Variants in ANK2 observed in about 807,000 individuals in gnomAD.
ANK2 encodes ankyrin 2.
A neutral mutation model predicts 360.5 loss-of-function variants in ANK2; 83 were observed. The ratio of observed to expected loss-of-function variants is 0.23; its 90% confidence interval spans 0.19 to 0.28. The LOEUF is 0.28. Among genes scored for constraint, ANK2 ranks in the 10% least tolerant of loss-of-function variants. The pLI is 1.00. For synonymous variants in ANK2, 1,740 were observed against 1,759.5 expected (o/e 0.99, Z 0.28); for missense variants, 4,201 against 4,795.7 (o/e 0.88, Z 3.66).
chr4:112,731,879 A>T, the ANK2 span, among the ~76,000 whole-genome samples: 1 of 152,236 alleles, frequency 6.6e-6, no homozygotes, highest in African/African-American at 2.4e-5. Context: ...ATTGCACACT[A>T]CAGCCTTCAA....
chr4:113,176,780 TC>T (rs1345155201), intron 2 of ANK2, among the ~76,000 whole-genome samples: 11 of 152,028 alleles, frequency 7.2e-5, no homozygotes, highest in African/African-American at 2.7e-4. Flanking sequence ...CCCTCGCTCC[TC>T]CCCCCACCCC....
chr4:113,336,686 C>A lies in ANK2; in HGVS notation c.3701C>A (p.Thr1234Asn). ...AGAAGAAAATTCCACAAACCAATTACCATGACCATTCCTGTCCCCAAAGCT... is the reference window on the plus strand; with the variant it reads ...AGAAGAAAATTCCACAAACCAATTAACATGACCATTCCTGTCCCCAAAGCT... Reference protein sequence around the residue: ...PRRRKFHKPITMTIPVPKASS... With the variant: ...PRRRKFHKPINMTIPVPKASS... The change falls in exon 31 of 46, where the codon ACC (threonine) becomes AAC (asparagine). Residue 1234 changes from threonine to asparagine, a missense_variant. Coordinates refer to ENST00000357077, the MANE Select transcript of ANK2 (RefSeq NM_001148.6). 1 of 1,614,118 alleles carries A rather than the reference C, an allele frequency of 6.2e-7. No homozygotes were observed. The highest frequency in any genetic ancestry group is 8.5e-7 in the Non-Finnish European group (1 of 1,180,010).
the ANK2 span, among the ~76,000 whole-genome samples, chr4:112,727,110 C>T: frequency 6.6e-6 from 1 of 151,956 alleles, no homozygotes; most frequent in East Asian, 1.9e-4. Context: ...TGTTGTTTAA[C>T]TCAAATTTTT....
In ANK2 at chr4:113,199,129, C is replaced by T. The variant is rs1419304040; in HGVS notation, c.384+20C>T. On this transcript the variant is annotated intron_variant, in intron 4 of 45. Coordinates refer to ENST00000357077, the MANE Select transcript of ANK2 (RefSeq NM_001148.6). ...TCTCAGGTATTCCATTCAGATTTTC[C>T]CTGATGTACATACATTTAAATTAGA... 11 of 1,558,002 alleles carry T rather than the reference C, an allele frequency of 7.1e-6. No homozygotes were observed. The East Asian group carries it at 2.5e-4, about 35-fold the overall frequency.
intron 4 of ANK2, among the ~76,000 whole-genome samples, chr4:113,226,303 G>T (rs989237319): frequency 6.6e-6 from 1 of 152,078 alleles, no homozygotes; most frequent in African/African-American, 2.4e-5. Flanking sequence ...TCCTCAGCAC[G>T]GCAGACAGGG....
At chr4:112,965,740 A>G (rs1335111294) in intron 2 of ANK2, among the ~76,000 whole-genome samples, 2 of 152,138 alleles carry the variant, frequency 1.3e-5, no homozygotes, top group African/African-American at 2.4e-5. Flanking sequence ...TTTCTTTAAT[A>G]TATGTTCTTG....
Position 113,358,498 on chromosome 4 carries a change from A to G in ANK2, c.9880A>G (p.Asn3294Asp). 1 of 1,614,088 alleles carries G rather than the reference A, an allele frequency of 6.2e-7. No homozygotes were observed. Among genetic ancestry groups the G allele is most frequent in the Non-Finnish European group, 8.5e-7 (1 of 1,179,974 alleles). Residue 3294 changes from asparagine (N) to aspartate (D), a missense_variant, in exon 38 of 46, where the codon AAT becomes GAT. Asn to Asp is a conservative substitution (Grantham distance 23, BLOSUM62 1). Coordinates refer to ENST00000357077, the MANE Select transcript of ANK2 (RefSeq NM_001148.6). ...CGAGATTCCTACTGCACCCATGGAG[A>G]ATGTGCCTTTTACTGAAAGCAAATC... ...VIEIPTAPMENVPFTESKSKI... is the reference protein window; with the variant it reads ...VIEIPTAPMEDVPFTESKSKI...
chr4:112,947,164 C>G (rs1408899642), intron 2 of ANK2, among the ~76,000 whole-genome samples: 1 of 152,092 alleles, frequency 6.6e-6, no homozygotes, highest in Non-Finnish European at 1.5e-5. Context: ...TATTTAACCC[C>G]CATTATTCTT....
chr4:113,281,355 T>C (rs1285613945), intron 17 of ANK2, among the ~76,000 whole-genome samples: 1 of 151,962 alleles, frequency 6.6e-6, no homozygotes, highest in African/African-American at 2.4e-5. Flanking sequence ...CTGGGCAACA[T>C]GGTGAAACCC....
At position 113,320,599 on chromosome 4, in the gene ANK2, G is replaced by A. The variant is rs574628752; in HGVS notation, c.2900+1979G>A. 2.0e-5 allele frequency among the ~76,000 whole-genome samples: 3 copies of A among 152,226 alleles called. No individual in the cohort carries two copies. In the South Asian group the frequency reaches 6.2e-4, roughly 32 times the overall value. ...GAACCCGGGAGGTGGTGGTTACAGC[G>A]AGCCTAGACTGCACCACTGCTCTCC... On this transcript the variant is annotated intron_variant, in intron 26 of 45. Transcript: ENST00000357077.
intron 2 of ANK2, among the ~76,000 whole-genome samples, chr4:113,183,935 G>C (rs1267722466): frequency 1.3e-5 from 2 of 150,982 alleles, no homozygotes; most frequent in Non-Finnish European, 2.9e-5. Context: ...TTAAAAAGAG[G>C]AGGAAGAAAA....
chr4:112,733,048 C>T, the ANK2 span, among the ~76,000 whole-genome samples: 1 of 152,084 alleles, frequency 6.6e-6, no homozygotes, highest in African/African-American at 2.4e-5. Context: ...GAAACCCCGT[C>T]TACTAAAAAT....
chr4:112,733,278 C>T, the ANK2 span, among the ~76,000 whole-genome samples: 2 of 152,106 alleles, frequency 1.3e-5, no homozygotes, highest in African/African-American at 2.4e-5. Context: ...CTCCCTGAGA[C>T]TTGGATTCCT....
At chr4:112,827,328 C>T in intron 1 of ANK2, 2 of 1,187,324 alleles carry the variant, frequency 1.7e-6, no homozygotes, top group Non-Finnish European at 2.5e-6. Flanking sequence ...AGCAGAAAGC[C>T]AATGAGTTAC....
At chr4:113,118,126 T>A (rs986767495) in intron 1 of ANK2, among the ~76,000 whole-genome samples, 1 of 152,250 alleles carries the variant, frequency 6.6e-6, no homozygotes, top group Non-Finnish European at 1.5e-5. Context: ...TTTCTTTCTC[T>A]TAAAATATTG....
At chr4:113,148,972 C>T (rs2096935573) in intron 1 of ANK2, 2 of 150,740 alleles carry the variant, frequency 1.3e-5, no homozygotes, top group Admixed American at 6.6e-5. Context: ...AGTGGGAAGC[C>T]TCTGGAGAGC....
intron 2 of ANK2, among the ~76,000 whole-genome samples, chr4:113,030,564 T>G (rs574374897): frequency 1.1e-3 from 173 of 152,186 alleles, no homozygotes; most frequent in African/African-American, 4.0e-3. Context: ...TTTTGTAATG[T>G]AAATGCAGGA....
rs539092414 is a variant in ANK2 at position 113,031,992 on chromosome 4, T to C, written c.21+127478T>C. Among the ~76,000 whole-genome samples the C allele has an allele frequency of 5.3e-5, 8 of 152,178 alleles. No individual in the cohort carries two copies. The East Asian group carries it at 1.2e-3, about 22-fold the overall frequency. On this transcript the variant is annotated intron_variant, in intron 2 of 30. Coordinates refer to the ANK2 transcript ENST00000503271. ...ATGTAATTACTGTGTGGTCAAGTTA[T>C]AGCTTAACTCCTCGATGAGCCCAAT...
At chr4:113,270,052 C>T (rs141350443) in intron 14 of ANK2, among the ~76,000 whole-genome samples, 6 of 152,286 alleles carry the variant, frequency 3.9e-5, no homozygotes, top group Admixed American at 3.9e-4. Flanking sequence ...CCTGCCATAA[C>T]ATTTTTCTGG....
Sources: allele counts gnomAD v4.1 joint callset (sites outside exome capture counted in the v4.1 genomes callset), GRCh38; gene constraint gnomAD v4.1.1; transcripts MANE v1.5; gene names NCBI Gene and HGNC (gene_info 2026-07-23, HGNC 2026-07-21).